MACROD2: variants seen among roughly 807,000 people sequenced by gnomAD.
MACROD2 encodes ADP-ribose glycohydrolase MACROD2.
Under a neutral mutation model 70.4 loss-of-function variants are expected in MACROD2, and 36 were observed. That is an observed-to-expected ratio of 0.51 (90% CI 0.39 to 0.68). The LOEUF is 0.68. Among genes scored for constraint, MACROD2 ranks in the 30% least tolerant of loss-of-function variants. MACROD2 has a pLI of 0.00. For synonymous variants in MACROD2, 172 were observed against 178.8 expected (o/e 0.96, Z 0.30); for missense variants, 496 against 538.4 (o/e 0.92, Z 0.78).
intron 6 of MACROD2, among the ~76,000 whole-genome samples, chr20:15,251,478 C>T (rs1453053027): frequency 2.0e-5 from 3 of 152,104 alleles, no homozygotes; most frequent in Admixed American, 1.3e-4. Flanking sequence ...ATAACAACAG[C>T]AAAAAGCCCA....
At chr20:15,880,929 C>A (rs1469679897) in intron 9 of MACROD2, among the ~76,000 whole-genome samples, 1 of 152,086 alleles carries the variant, frequency 6.6e-6, no homozygotes, top group Non-Finnish European at 1.5e-5. Flanking sequence ...CTTGCCTCTT[C>A]TGGAATGCCT....
intron 4 of MACROD2, among the ~76,000 whole-genome samples, chr20:14,614,376 G>A (rs569458005): frequency 2.6e-5 from 4 of 152,246 alleles, no homozygotes; most frequent in Admixed American, 2.6e-4. Flanking sequence ...CACCTGGGGA[G>A]TTGGTGCTCA....
chr20:15,608,958 T>C (rs754095090), intron 8 of MACROD2, among the ~76,000 whole-genome samples: 1 of 152,214 alleles, frequency 6.6e-6, no homozygotes, highest in Admixed American at 6.5e-5. Context: ...TCTCCCCTTA[T>C]GTGCCTGATG....
chr20:16,040,521 A>C (rs2067293778), intron 15 of MACROD2, among the ~76,000 whole-genome samples: 1 of 151,982 alleles, frequency 6.6e-6, no homozygotes. Flanking sequence ...GCAAGAAATG[A>C]TTGTCCTTTT....
intron 3 of MACROD2, chr20:14,327,289 G>C (rs755239011): frequency 6.2e-7 from 1 of 1,613,738 alleles, no homozygotes; most frequent in South Asian, 1.1e-5. Flanking sequence ...AGGAATCCCA[G>C]CATTATTTAT....
At chr20:15,541,095 A>G (rs530124094) in intron 8 of MACROD2, among the ~76,000 whole-genome samples, 198 of 152,340 alleles carry the variant, frequency 1.3e-3, no homozygotes, top group Non-Finnish European at 2.2e-3. Flanking sequence ...TCGTGGAAAC[A>G]GAGAATACAC....
At chr20:15,640,665 C>A (rs1378418684) in intron 8 of MACROD2, among the ~76,000 whole-genome samples, 1 of 152,218 alleles carries the variant, frequency 6.6e-6, no homozygotes, top group African/African-American at 2.4e-5. Context: ...GTTTGAAGGA[C>A]CTGCAAATTA....
At chr20:14,802,108 G>C (rs1274546768) in intron 5 of MACROD2, among the ~76,000 whole-genome samples, 1 of 152,028 alleles carries the variant, frequency 6.6e-6, no homozygotes, top group Admixed American at 6.6e-5. Context: ...CATCAAATGT[G>C]ATGTCGCATG....
rs553484012 is a variant in MACROD2 at position 14,208,013 on chromosome 20, A to G, written c.271+122285A>G. 1.1e-4 allele frequency among the ~76,000 whole-genome samples: 17 copies of G among 152,346 alleles called. No homozygotes were observed. In the South Asian group the frequency reaches 3.5e-3, roughly 32 times the overall value. On this transcript the variant is annotated intron_variant, in intron 3 of 17. Transcript: ENST00000684519. ...CCTTTTTAAAATAGGAGTTGAAGTG[A>G]AAACAATTTCTCTGTTGGAAATTGA...
chr20:15,183,974 A>G (rs963622664), intron 5 of MACROD2, among the ~76,000 whole-genome samples: 2 of 152,308 alleles, frequency 1.3e-5, no homozygotes, highest in African/African-American at 4.8e-5. Flanking sequence ...ACTGGGTGTG[A>G]GGCAGGAGGG....
intron 5 of MACROD2, among the ~76,000 whole-genome samples, chr20:15,027,678 C>T (rs1280458919): frequency 6.7e-6 from 1 of 148,900 alleles, no homozygotes; most frequent in Admixed American, 6.7e-5. Context: ...AGTTCAATAC[C>T]AGCCTGGGCA....
chr20:15,566,299 C>G (rs965018252), intron 8 of MACROD2, among the ~76,000 whole-genome samples: 5 of 152,146 alleles, frequency 3.3e-5, no homozygotes, highest in African/African-American at 7.2e-5. Flanking sequence ...GCCTGGCCAA[C>G]ATGGCGAAAC....
At chr20:14,268,328 C>G (rs1264861488) in intron 3 of MACROD2, among the ~76,000 whole-genome samples, 1 of 152,064 alleles carries the variant, frequency 6.6e-6, no homozygotes, top group Non-Finnish European at 1.5e-5. Context: ...ATGTTATTTT[C>G]CATTGGATTT....
intron 6 of MACROD2, among the ~76,000 whole-genome samples, chr20:15,261,609 C>T (rs1265232010): frequency 6.6e-6 from 1 of 151,946 alleles, no homozygotes; most frequent in African/African-American, 2.4e-5. Context: ...GGTCCTTTTA[C>T]ATGAACAGCA....
intron 5 of MACROD2, among the ~76,000 whole-genome samples, chr20:14,764,008 C>T (rs1239417491): frequency 6.6e-6 from 1 of 152,026 alleles, no homozygotes; most frequent in African/African-American, 2.4e-5. Context: ...TGCCTTATCC[C>T]ACATGCATAT....
intron 3 of MACROD2, among the ~76,000 whole-genome samples, chr20:14,381,667 A>G (rs2083421469): frequency 6.6e-6 from 1 of 152,240 alleles, no homozygotes; most frequent in Admixed American, 6.5e-5. Context: ...TGTTTCCTAT[A>G]TGAATGTGTT....
At chr20:15,119,214 T>G (rs2076013216) in intron 5 of MACROD2, among the ~76,000 whole-genome samples, 1 of 152,228 alleles carries the variant, frequency 6.6e-6, no homozygotes, top group African/African-American at 2.4e-5. Context: ...CCAGCTTACT[T>G]CGTAAGTTTT....
At position 15,947,123 on chromosome 20, in the gene MACROD2, A is replaced by G. The variant is rs139518015; in HGVS notation, c.907+9579A>G. Among the ~76,000 whole-genome samples the G allele has an allele frequency of 6.7e-3, 1,025 of 152,304 alleles. 13 individuals are homozygous for G. The highest frequency in any genetic ancestry group is 0.023 in the African/African-American group (940 of 41,574). The stretch of plus-strand genomic sequence containing the variant: ...TCCTATCTCAGAATTGAACAAATGT[A>G]CAATCGGGTTTTATACCGAGACATT... On this transcript the variant is annotated intron_variant, in intron 12 of 17. Transcript: ENST00000684519.
intron 8 of MACROD2, among the ~76,000 whole-genome samples, chr20:15,519,878 C>T (rs2047628037): frequency 6.6e-6 from 1 of 152,176 alleles, no homozygotes; most frequent in Admixed American, 6.5e-5. Flanking sequence ...TGAGGTTGCT[C>T]TCCCCAACAG....
Sources: allele counts gnomAD v4.1 joint callset (sites outside exome capture counted in the v4.1 genomes callset), GRCh38; gene constraint gnomAD v4.1.1; transcripts MANE v1.5; gene names NCBI Gene and HGNC (gene_info 2026-07-23, HGNC 2026-07-21).